The following MAGI1 variants were observed in gnomAD, a reference collection of about 807,000 sequenced individuals.
The protein encoded by MAGI1 is membrane-associated guanylate kinase, WW and PDZ domain-containing protein 1.
MAGI1 carries 58 observed loss-of-function variants against 139.9 expected under a neutral mutation model. The ratio of observed to expected loss-of-function variants is 0.41; its 90% CI spans 0.34 to 0.52. The LOEUF (loss-of-function observed/expected upper bound fraction) is 0.52, where lower values mean the gene tolerates loss of function less well. Among genes scored for constraint, MAGI1 ranks in the 20% least tolerant of loss-of-function variants. The pLI is 0.12. For missense variants in MAGI1, 1,874 were observed against 1,901.6 expected, an observed-to-expected ratio of 0.99 and a Z score of 0.27; for synonymous variants, 812 against 737.9, an observed-to-expected ratio of 1.10 and a Z score of -1.63.
intron 1 of MAGI1, among the ~76,000 whole-genome samples, chr3:66,013,541 C>G (rs1576462248): frequency 1.3e-5 from 2 of 151,770 alleles, no homozygotes; most frequent in African/African-American, 4.8e-5. Context: ...GTGGGCGGAT[C>G]ACGAGATCAG....
At chr3:65,954,274 TC>T (rs2064005089) in intron 1 of MAGI1, among the ~76,000 whole-genome samples, 1 of 152,188 alleles carries the variant, frequency 6.6e-6, no homozygotes, top group Non-Finnish European at 1.5e-5. Flanking sequence ...TCTAAAAACC[TC>T]TGAAGCCATT....
intron 2 of MAGI1, among the ~76,000 whole-genome samples, chr3:65,604,619 T>A (rs141758223): frequency 6.6e-5 from 10 of 152,254 alleles, no homozygotes; most frequent in African/African-American, 2.4e-4. Context: ...TAAGAACCTT[T>A]GATTTCCATC....
chr3:65,930,315 C>CAAAAAAAAAAAAAAAAAAAAAAAAA (rs58258730), intron 1 of MAGI1, among the ~76,000 whole-genome samples: 1 of 87,630 alleles, frequency 1.1e-5, no homozygotes, highest in Non-Finnish European at 2.3e-5. Context: ...GACTCCGTCT[C>CAAAAAAAAAAAAAAAAAAAAAAAAA]AAAAAAAAAA....
intron 1 of MAGI1, among the ~76,000 whole-genome samples, chr3:65,655,708 CA>C (rs1466596480): frequency 2.2e-4 from 34 of 152,174 alleles, no homozygotes; most frequent in Admixed American, 2.2e-3. Context: ...GAAATGGAAG[CA>C]CAGACGAGCT....
chr3:65,471,528 T>G (rs2107586102), intron 4 of MAGI1, among the ~76,000 whole-genome samples: 1 of 152,194 alleles, frequency 6.6e-6, no homozygotes, highest in African/African-American at 2.4e-5. Context: ...CCTACTAAAC[T>G]AACACCACCA....
At chr3:65,420,284 C>A (rs1405951210) in intron 12 of MAGI1, among the ~76,000 whole-genome samples, 1 of 151,932 alleles carries the variant, frequency 6.6e-6, no homozygotes, top group African/African-American at 2.4e-5. Flanking sequence ...GTCTCTGTTC[C>A]AATTCTTTCT....
chr3:65,703,491 G>A (rs1288195505), intron 1 of MAGI1, among the ~76,000 whole-genome samples: 1 of 152,204 alleles, frequency 6.6e-6, no homozygotes, highest in Admixed American at 6.5e-5. Flanking sequence ...CCAAGCCCAA[G>A]GCTTCAATTG....
chr3:65,454,555 T>TAATAATAATAAA (rs1457403082), intron 5 of MAGI1, among the ~76,000 whole-genome samples: 1 of 135,644 alleles, frequency 7.4e-6, no homozygotes. Flanking sequence ...ATAATAATAA[T>TAATAATAATAAA]AAAAAAATAC....
In MAGI1 at chr3:65,379,471, G is replaced by A. The variant is rs770913746; in HGVS notation, c.2785C>T (p.Arg929Cys). Residue 929 changes from arginine to cysteine, a missense_variant, in exon 17 of 23, where the codon CGC becomes TGC. Physicochemically the swap from Arg to Cys is radical, Grantham distance 180 (BLOSUM62 -3). Transcript: ENST00000402939. ...NQPASLTEEK[R>C]TPQGSQNSLN... ...GAGTTCTGGCTGCCCTGCGGAGTGC[G>A]CTTCTCTTCTGTCAGCGAGGCCGGC... 1.9e-6 allele frequency: 3 copies of A among 1,614,022 alleles called. No individual in the cohort carries two copies. The highest frequency in any genetic ancestry group is 2.5e-6 in the Non-Finnish European group (3 of 1,179,910).
chr3:65,935,085 C>A (rs559717130), intron 1 of MAGI1, among the ~76,000 whole-genome samples: 1 of 152,162 alleles, frequency 6.6e-6, no homozygotes, highest in Admixed American at 6.5e-5. Context: ...GTTACAGTTC[C>A]CCAAATCTAG....
intron 6 of MAGI1, among the ~76,000 whole-genome samples, chr3:65,449,846 A>T (rs1394707242): frequency 6.6e-6 from 1 of 152,120 alleles, no homozygotes; most frequent in Non-Finnish European, 1.5e-5. Flanking sequence ...AATAAAACTA[A>T]AATTAAAACC....
intron 16 of MAGI1, among the ~76,000 whole-genome samples, chr3:65,381,555 C>T (rs1391286405): frequency 6.6e-6 from 1 of 152,122 alleles, no homozygotes; most frequent in Non-Finnish European, 1.5e-5. Flanking sequence ...TTCATAATGA[C>T]CTCATTTGCT....
intron 12 of MAGI1, among the ~76,000 whole-genome samples, chr3:65,418,595 G>A (rs2107256728): frequency 6.6e-6 from 1 of 152,228 alleles, no homozygotes; most frequent in Admixed American, 6.5e-5. Context: ...CAAAGAGGGA[G>A]TGCAATGAAT....
intron 1 of MAGI1, among the ~76,000 whole-genome samples, chr3:66,004,624 C>T (rs1395266121): frequency 6.6e-6 from 1 of 152,212 alleles, no homozygotes; most frequent in East Asian, 1.9e-4. Context: ...ACCTTCCCCA[C>T]TCCCATGGAA....
intron 1 of MAGI1, among the ~76,000 whole-genome samples, chr3:65,744,419 T>C (rs1394470598): frequency 1.3e-5 from 2 of 152,212 alleles, no homozygotes; most frequent in Non-Finnish European, 2.9e-5. Flanking sequence ...GCTCAGTAAA[T>C]GTTTGCTGAA....
chr3:65,473,244 G>T (rs939358851), intron 4 of MAGI1, among the ~76,000 whole-genome samples: 3 of 152,268 alleles, frequency 2.0e-5, no homozygotes, highest in Middle Eastern at 6.8e-3. Flanking sequence ...GTAGAAGAAG[G>T]ATAGGTTATA....
At chr3:65,589,004 G>T (rs889341754) in intron 2 of MAGI1, among the ~76,000 whole-genome samples, 6 of 152,144 alleles carry the variant, frequency 3.9e-5, no homozygotes, top group Admixed American at 3.9e-4. Context: ...AACAAGAAAT[G>T]TTAGCTTAAG....
chr3:66,022,366 T>A (rs1018771952), intron 1 of MAGI1, among the ~76,000 whole-genome samples: 5 of 152,320 alleles, frequency 3.3e-5, no homozygotes, highest in African/African-American at 1.2e-4. Flanking sequence ...TTGCTGGGCA[T>A]CCTATTTTCC....
chr3:65,753,220 A>C (rs1023359612), intron 1 of MAGI1, among the ~76,000 whole-genome samples: 1 of 152,140 alleles, frequency 6.6e-6, no homozygotes, highest in Non-Finnish European at 1.5e-5. Context: ...ATGCATTGCA[A>C]ATACACACAC....
Sources: allele counts gnomAD v4.1 joint callset (sites outside exome capture counted in the v4.1 genomes callset), GRCh38; gene constraint gnomAD v4.1.1; transcripts MANE v1.5; gene names NCBI Gene and HGNC (gene_info 2026-07-23, HGNC 2026-07-21).